The following DPYSL2 variants were observed in gnomAD, a reference collection of about 807,000 sequenced individuals.
DPYSL2 encodes the protein dihydropyrimidinase-related protein 2.
In DPYSL2, 13 loss-of-function variants were observed where a neutral mutation model predicts 69.9. The observed-to-expected ratio is 0.19, with a 90% confidence interval of 0.12 to 0.30. The LOEUF (loss-of-function observed/expected upper bound fraction) is 0.30. Ranked by LOEUF, DPYSL2 falls within the 10% of genes least tolerant of loss-of-function variation. The probability of loss-of-function intolerance (pLI) is 1.00; values close to 1 mark genes in which losing one functional copy is unlikely to be tolerated. For synonymous variants in DPYSL2, 326 were observed against 359.1 expected, an observed-to-expected ratio of 0.91 and a Z score of 1.04; for missense variants, 587 against 918.9, an observed-to-expected ratio of 0.64 and a Z score of 4.67.
At chr8:26,546,897 G>A (rs1200011858) in intron 1 of DPYSL2, among the ~76,000 whole-genome samples, 1 of 115,662 alleles carries the variant, frequency 8.6e-6, no homozygotes, top group Non-Finnish European at 1.6e-5. Flanking sequence ...CTCCCAGCCT[G>A]GGCGACTGAG....
chr8:26,523,135 A>T (rs1243514856), intron 1 of DPYSL2, among the ~76,000 whole-genome samples: 1 of 151,682 alleles, frequency 6.6e-6, no homozygotes, highest in African/African-American at 2.4e-5. Flanking sequence ...ATATATATGT[A>T]TGTATACAGA....
chr8:26,607,658 T>A (rs557046729), intron 3 of DPYSL2, among the ~76,000 whole-genome samples: 1 of 151,758 alleles, frequency 6.6e-6, no homozygotes, highest in Non-Finnish European at 1.5e-5. Flanking sequence ...GACATGGTTT[T>A]GTGTGCCTGT....
At chr8:26,532,921 A>G (rs1032354239) in intron 1 of DPYSL2, among the ~76,000 whole-genome samples, 7 of 152,100 alleles carry the variant, frequency 4.6e-5, no homozygotes, top group Admixed American at 3.3e-4. Flanking sequence ...GGTATCCCTA[A>G]TTTTTTGAGG....
intron 1 of DPYSL2, among the ~76,000 whole-genome samples, chr8:26,535,796 A>G (rs1800582046): frequency 6.6e-6 from 1 of 152,166 alleles, no homozygotes; most frequent in African/African-American, 2.4e-5. Context: ...TTCTGTGGCA[A>G]CAACAGAAAC....
chr8:26,536,413 A>G (rs1236604941), intron 1 of DPYSL2, among the ~76,000 whole-genome samples: 3 of 151,924 alleles, frequency 2.0e-5, no homozygotes, highest in Non-Finnish European at 4.4e-5. Context: ...GCTCATGCCT[A>G]TAATCCTAGC....
chr8:26,577,126 G>A (rs1408628162), intron 1 of DPYSL2: 3 of 443,538 alleles, frequency 6.8e-6, no homozygotes, highest in Non-Finnish European at 1.4e-5. Context: ...CCTCCTTCCC[G>A]GCTCGGAGTT....
chr8:26,550,098 G>A (rs6997659), intron 1 of DPYSL2, among the ~76,000 whole-genome samples: 52,728 of 152,128 alleles, frequency 0.35, 11,449 homozygotes, highest in East Asian at 0.67. Flanking sequence ...TAATGTATTA[G>A]GTAGTTATAG....
rs1478204201 is a variant in DPYSL2, at chr8:26,569,383, A to C, written c.355-12586A>C. Among the ~76,000 whole-genome samples, 12 of 151,088 alleles carry C rather than the reference A, an allele frequency of 7.9e-5. 3 individuals are homozygous for C. Among genetic ancestry groups the C allele is most frequent in the Admixed American group, 6.6e-4 (10 of 15,156 alleles). On this transcript the variant is annotated intron_variant, in intron 1 of 13. Coordinates refer to ENST00000521913, the MANE Select transcript of DPYSL2 (RefSeq NM_001197293.3). ...AAAAAAACAAAAACAAAAACAAAAA[A>C]AAACCAAAGAAAAACCCAAAGCCTG...
At chr8:26,557,544 G>A (rs958815299) in intron 1 of DPYSL2, among the ~76,000 whole-genome samples, 5 of 147,514 alleles carry the variant, frequency 3.4e-5, no homozygotes, top group African/African-American at 1.0e-4. Flanking sequence ...TTTGGGAGCC[G>A]AGCTAGGTGG....
In DPYSL2 at chr8:26,573,778, A is replaced by C. The variant is rs1340404324; in HGVS notation, c.355-8191A>C. Reference sequence around the variant, plus strand: ...CTTGAACCTGGGAGGCAGAGGTTGCAGTGAGCAAAGATCATGCAACTGCAC... The same window carrying C: ...CTTGAACCTGGGAGGCAGAGGTTGCCGTGAGCAAAGATCATGCAACTGCAC... On this transcript the variant is annotated intron_variant, in intron 1 of 13. Coordinates refer to ENST00000521913, the MANE Select transcript of DPYSL2 (RefSeq NM_001197293.3). 2.0e-5 allele frequency among the ~76,000 whole-genome samples: 3 copies of C among 147,266 alleles called. No individual in the cohort carries two copies. The Admixed American group carries it at 2.1e-4, about 10-fold the overall frequency.
rs936962766 is a variant in DPYSL2 at position 26,533,912 on chromosome 8, G to A, written c.354+19233G>A. Among the ~76,000 whole-genome samples, 1 of 152,222 alleles carries A rather than the reference G, an allele frequency of 6.6e-6. No homozygotes were observed. Among genetic ancestry groups the A allele is most frequent in the Non-Finnish European group, 1.5e-5 (1 of 68,042 alleles). On this transcript the variant is annotated intron_variant, in intron 1 of 13. Coordinates refer to ENST00000521913, the MANE Select transcript of DPYSL2 (RefSeq NM_001197293.3). This position sits in a 1 kb window ranked among gnomAD's most constrained non-coding sequence, Gnocchi z 4.8. Reference sequence around the variant, plus strand: ...CTTAATTAATGCAACTGAAAAGCAGGTCTGGTGAGAATGAGTAACAGTGTG... The same window carrying A: ...CTTAATTAATGCAACTGAAAAGCAGATCTGGTGAGAATGAGTAACAGTGTG...
rs1262165679 is a variant in DPYSL2 at position 26,640,794 on chromosome 8, A to ACTGCCC, written c.1127-2635_1127-2630dup. 2.0e-5 allele frequency among the ~76,000 whole-genome samples: 3 copies of ACTGCCC among 152,200 alleles called. No homozygotes were observed. Among genetic ancestry groups the ACTGCCC allele is most frequent in the African/African-American group, 7.2e-5 (3 of 41,456 alleles). On this transcript the variant is annotated intron_variant, in intron 8 of 13. Transcript: ENST00000521913. The surrounding 1 kb of genome is among the most constrained non-coding windows in gnomAD (Gnocchi z 4.2). ...TGGCTCCATCCCTCCCCTGGCATCC[A>ACTGCCC]CTGCCCCTGCCCCTGAATGTCCCTA...
chr8:26,635,443 T>A (rs1442918376), intron 8 of DPYSL2, among the ~76,000 whole-genome samples: 1 of 152,188 alleles, frequency 6.6e-6, no homozygotes, highest in South Asian at 2.1e-4. Context: ...CCACTGTAAC[T>A]AACTGATGAA....
In DPYSL2 at chr8:26,641,769, T is replaced by TG. The variant is rs1246114883; in HGVS notation, c.1127-1665dup. ...TTGGAGTCCTCCCTCCTGCTGGGGG[T>TG]GGGGGCGTGGTTGCTGGTGGCCTGG... On this transcript the variant is annotated intron_variant, in intron 8 of 13. Transcript: ENST00000521913. The surrounding 1 kb of genome is among the most constrained non-coding windows in gnomAD (Gnocchi z 4.1). Among the ~76,000 whole-genome samples, 4 of 151,894 alleles carry TG rather than the reference T, an allele frequency of 2.6e-5. No homozygotes were observed. Among genetic ancestry groups the TG allele is most frequent in the Admixed American group, 2.6e-4 (4 of 15,246 alleles).
In DPYSL2 at chr8:26,627,737, T is replaced by C. The variant is rs532299884; in HGVS notation, c.937-135T>C. ...GCAGTGAACCCTTCTCTTCATGAGG[T>C]CTTGGGATGAGGGCAGAACGATCGG... On this transcript the variant is annotated intron_variant, in intron 6 of 13. Coordinates refer to ENST00000521913, the MANE Select transcript of DPYSL2 (RefSeq NM_001197293.3). The surrounding 1 kb of genome is among the most constrained non-coding windows in gnomAD (Gnocchi z 6.9). 4 of 834,628 alleles carry C rather than the reference T, an allele frequency of 4.8e-6. No homozygotes were observed. The highest frequency in any genetic ancestry group is 2.1e-5 in the Admixed American group (1 of 48,364). 51.7% of individuals were successfully genotyped at this position (834,628 alleles called of 1,614,324 possible). A position where few individuals can be genotyped will look rare whatever the true frequency, so the allele number is the denominator to read the frequency against.
At chr8:26,545,889 A>G (rs1464579455) in intron 1 of DPYSL2, among the ~76,000 whole-genome samples, 1 of 152,188 alleles carries the variant, frequency 6.6e-6, no homozygotes, top group Admixed American at 6.5e-5. Context: ...TTGTCTTGAC[A>G]ACCATAGCTT....
In DPYSL2 at chr8:26,585,394, TTC is replaced by T. The variant is rs1370806475; in HGVS notation, c.628+1417_628+1418del. ...TTAAATCACAACTCATCCTCTGGCG[TTC>T]TCTCTGTCCTGGCCCTCAGGGTCTG... is the stretch of plus-strand genomic sequence containing the variant. On this transcript the variant is annotated intron_variant, in intron 3 of 13. Coordinates refer to ENST00000521913, the MANE Select transcript of DPYSL2 (RefSeq NM_001197293.3). The surrounding 1 kb of genome is among the most constrained non-coding windows in gnomAD (Gnocchi z 4.0). 6.6e-6 allele frequency among the ~76,000 whole-genome samples: 1 copy of T among 152,166 alleles called. No homozygotes were observed. The highest frequency in any genetic ancestry group is 1.5e-5 in the Non-Finnish European group (1 of 68,016).
At chr8:26,603,683 C>T (rs1466730002) in intron 3 of DPYSL2, among the ~76,000 whole-genome samples, 1 of 152,164 alleles carries the variant, frequency 6.6e-6, no homozygotes, top group African/African-American at 2.4e-5. Flanking sequence ...CTTTCTCTAG[C>T]CCCTGGTGGC....
chr8:26,543,165 A>G (rs777357716), intron 1 of DPYSL2, among the ~76,000 whole-genome samples: 1 of 152,232 alleles, frequency 6.6e-6, no homozygotes, highest in Non-Finnish European at 1.5e-5. Flanking sequence ...GAGTACACCA[A>G]GTATAGTGTC....
Sources: gnomAD v4.1 joint callset for allele counts (sites outside exome capture counted in the v4.1 genomes callset) on GRCh38, gnomAD v4.1.1 for gene constraint, Gnocchi (gnomAD v3.1) non-coding constraint, MANE v1.5 for transcripts, NCBI Gene and HGNC (gene_info 2026-07-23, HGNC 2026-07-21) for gene names.